Variants in PABPC4L observed in about 807,000 individuals in gnomAD.
PABPC4L encodes the protein poly(A) binding protein cytoplasmic 4 like.
For missense variants in PABPC4L, 452 were observed against 451.4 expected, an observed-to-expected ratio of 1.00 and a Z score of -0.01; for synonymous variants, 169 against 164.1, an observed-to-expected ratio of 1.03 and a Z score of -0.23.
At chr4:133,982,629 C>T in the PABPC4L span, among the ~76,000 whole-genome samples, 111 of 151,962 alleles carry the variant, frequency 7.3e-4, no homozygotes, top group South Asian at 1.7e-3. Context: ...TGGTTATGAA[C>T]GTTTTGGAGC....
At chr4:134,148,160 C>G in the PABPC4L span, among the ~76,000 whole-genome samples, 2 of 151,828 alleles carry the variant, frequency 1.3e-5, no homozygotes, top group Non-Finnish European at 2.9e-5. Context: ...GAGATTGATA[C>G]TTGGAAATTA....
chr4:134,004,747 T>C, the PABPC4L span, among the ~76,000 whole-genome samples: 1 of 151,800 alleles, frequency 6.6e-6, no homozygotes, highest in Non-Finnish European at 1.5e-5. Context: ...AAAAATAATG[T>C]GCTATATATA....
the PABPC4L span, among the ~76,000 whole-genome samples, chr4:134,171,643 C>T: frequency 6.6e-6 from 1 of 152,056 alleles, no homozygotes. Context: ...GATTCCTATT[C>T]AATACAGTAC....
At chr4:133,949,678 AGG>A in the PABPC4L span, among the ~76,000 whole-genome samples, 3 of 152,218 alleles carry the variant, frequency 2.0e-5, no homozygotes, top group Admixed American at 1.3e-4. Context: ...AGCACTTGTT[AGG>A]GACCTTCCCA....
chr4:134,118,548 T>C, the PABPC4L span, among the ~76,000 whole-genome samples: 6 of 151,836 alleles, frequency 4.0e-5, no homozygotes, highest in Non-Finnish European at 8.8e-5. Context: ...TCCTGTTTGA[T>C]TGACAAATAT....
chr4:133,988,004 A>G, the PABPC4L span, among the ~76,000 whole-genome samples: 1 of 152,114 alleles, frequency 6.6e-6, no homozygotes, highest in Non-Finnish European at 1.5e-5. Context: ...AGTGGGGGAA[A>G]GCCCCTTATG....
At chr4:133,955,472 A>T in the PABPC4L span, among the ~76,000 whole-genome samples, 4 of 152,104 alleles carry the variant, frequency 2.6e-5, no homozygotes, top group Admixed American at 2.6e-4. Context: ...TTTTATTACA[A>T]TTATTAACAG....
chr4:134,115,437 T>C, the PABPC4L span, among the ~76,000 whole-genome samples: 2 of 151,716 alleles, frequency 1.3e-5, no homozygotes, highest in Non-Finnish European at 2.9e-5. Flanking sequence ...GGTCTTTGAA[T>C]TTCTATGGAA....
At chr4:134,051,442 C>T in the PABPC4L span, among the ~76,000 whole-genome samples, 1 of 152,030 alleles carries the variant, frequency 6.6e-6, no homozygotes, top group Admixed American at 6.6e-5. Flanking sequence ...GTCAGAGATG[C>T]CATAGGTTTC....
chr4:134,121,938 ATG>A, the PABPC4L span, among the ~76,000 whole-genome samples: 1 of 151,810 alleles, frequency 6.6e-6, no homozygotes, highest in Non-Finnish European at 1.5e-5. Flanking sequence ...GTTCGCCATG[ATG>A]TGTTTTCTTT....
chr4:134,187,681 C>CT, the PABPC4L span, among the ~76,000 whole-genome samples: 1 of 151,974 alleles, frequency 6.6e-6, no homozygotes, highest in African/African-American at 2.4e-5. Flanking sequence ...TAATGCCCTT[C>CT]TTTTTTCCCT....
At chr4:133,963,853 A>C in the PABPC4L span, among the ~76,000 whole-genome samples, 1 of 152,120 alleles carries the variant, frequency 6.6e-6, no homozygotes, top group Middle Eastern at 3.2e-3. Flanking sequence ...TGATAGCCCT[A>C]AACACCTACA....
the PABPC4L span, among the ~76,000 whole-genome samples, chr4:134,116,389 C>CAT: frequency 6.6e-6 from 1 of 151,780 alleles, no homozygotes. Context: ...TGTTATAAGA[C>CAT]ATAGTAACTA....
the PABPC4L span, among the ~76,000 whole-genome samples, chr4:133,980,060 G>A: frequency 6.6e-6 from 1 of 152,030 alleles, no homozygotes; most frequent in South Asian, 2.1e-4. Flanking sequence ...GTTTTACTAC[G>A]TGTTGCCTTC....
chr4:134,030,476 G>A, the PABPC4L span, among the ~76,000 whole-genome samples: 1 of 151,934 alleles, frequency 6.6e-6, no homozygotes, highest in Non-Finnish European at 1.5e-5. Context: ...CTGTCTTACA[G>A]AAGAAATCAC....
At chr4:133,955,920 G>A in the PABPC4L span, among the ~76,000 whole-genome samples, 3 of 151,996 alleles carry the variant, frequency 2.0e-5, no homozygotes, top group African/African-American at 7.2e-5. Flanking sequence ...TTAACCCCTG[G>A]TTATTGGATG....
chr4:134,113,799 T>G, the PABPC4L span, among the ~76,000 whole-genome samples: 1 of 151,780 alleles, frequency 6.6e-6, no homozygotes, highest in Non-Finnish European at 1.5e-5. Context: ...AAAGTCACGC[T>G]AGACAGCAGA....
the PABPC4L span, among the ~76,000 whole-genome samples, chr4:134,170,878 C>T: frequency 2.0e-5 from 3 of 152,252 alleles, no homozygotes; most frequent in East Asian, 3.9e-4. Flanking sequence ...TCAAATGGTA[C>T]TTCTCTTTTA....
At chr4:134,010,873 GTC>G in the PABPC4L span, among the ~76,000 whole-genome samples, 159 of 152,210 alleles carry the variant, frequency 1.0e-3, no homozygotes, top group African/African-American at 3.4e-3. Context: ...CCCAATCTCT[GTC>G]ACACATGTTA....
Sources: allele counts gnomAD v4.1 joint callset (sites outside exome capture counted in the v4.1 genomes callset), GRCh38; gene constraint gnomAD v4.1.1; transcripts MANE v1.5; gene names NCBI Gene and HGNC (gene_info 2026-07-23, HGNC 2026-07-21).